The following STRN variants were observed in gnomAD, a reference collection of about 807,000 sequenced individuals.
STRN encodes the protein protein phosphatase 2 regulatory subunit B'''alpha.
STRN carries 53 observed loss-of-function variants against 96.3 expected under a neutral mutation model. The observed-to-expected ratio is 0.55, with a 90% CI of 0.44 to 0.69. The LOEUF (loss-of-function observed/expected upper bound fraction) is 0.69, where lower values mean the gene tolerates loss of function less well. STRN is among the 30% of genes least tolerant of loss of function. The pLI, the probability that STRN is intolerant of heterozygous loss-of-function variation, is 0.00. For synonymous variants in STRN, 428 were observed against 355.9 expected (o/e 1.20, Z -2.28); for missense variants, 987 against 963.9 (o/e 1.02, Z -0.32).
At chr2:36,957,875 C>T (rs1421377555) in intron 1 of STRN, among the ~76,000 whole-genome samples, 6 of 145,444 alleles carry the variant, frequency 4.1e-5, no homozygotes, top group African/African-American at 1.5e-4. Flanking sequence ...CTCAGCCCCC[C>T]GAGTAGCTGG....
chr2:36,887,654 T>C (rs1017243239), intron 7 of STRN, among the ~76,000 whole-genome samples: 7 of 152,232 alleles, frequency 4.6e-5, no homozygotes, highest in Non-Finnish European at 1.0e-4. Flanking sequence ...TAGTAAGTGA[T>C]AATTTTTATT....
At chr2:36,884,700 A>G (rs1454949614) in intron 8 of STRN, among the ~76,000 whole-genome samples, 1 of 152,054 alleles carries the variant, frequency 6.6e-6, no homozygotes, top group African/African-American at 2.4e-5. Context: ...TTTTTAAGCA[A>G]TTTTTACTAA....
intron 2 of STRN, among the ~76,000 whole-genome samples, chr2:36,921,797 A>AC (rs372461063): frequency 6.9e-4 from 105 of 152,080 alleles, no homozygotes; most frequent in African/African-American, 2.4e-3. Flanking sequence ...TTTCCAGTCC[A>AC]CCCCCACACT....
chr2:36,864,568 T>G (rs1668573889), intron 12 of STRN, among the ~76,000 whole-genome samples: 1 of 152,210 alleles, frequency 6.6e-6, no homozygotes, highest in African/African-American at 2.4e-5. Context: ...AGTAATTGGT[T>G]GAAGATTTTT....
intron 12 of STRN, among the ~76,000 whole-genome samples, chr2:36,866,062 G>C (rs974279332): frequency 6.6e-6 from 1 of 151,966 alleles, no homozygotes; most frequent in Admixed American, 6.6e-5. Context: ...AGCAATCTTG[G>C]TATTGATTTC....
chr2:36,861,716 TG>T (rs1668485485), intron 12 of STRN, among the ~76,000 whole-genome samples: 1 of 126,470 alleles, frequency 7.9e-6, no homozygotes, highest in African/African-American at 2.9e-5. Context: ...AAAAATGCAA[TG>T]TATCATTGCG....
Position 36,849,388 on chromosome 2 carries a change from G to A in STRN, c.*68C>T, listed in dbSNP as rs1006772152. 9.7e-6 allele frequency: 15 copies of A among 1,549,528 alleles called. No homozygotes were observed. The highest frequency in any genetic ancestry group is 6.8e-5 in the East Asian group (3 of 44,262). ...GCAGGACGAGATGATTCTTGCCCTC[G>A]TCTTCTGTATCTCTTGTGTGCAGTT... On this transcript the variant is annotated 3_prime_UTR_variant, in exon 18 of 18. Coordinates refer to ENST00000263918, the MANE Select transcript of STRN (RefSeq NM_003162.4).
chr2:36,923,546 C>G (rs1670320181), intron 2 of STRN, among the ~76,000 whole-genome samples: 1 of 151,902 alleles, frequency 6.6e-6, no homozygotes, highest in African/African-American at 2.4e-5. Context: ...TCAACTTTCC[C>G]AAAGTATGAA....
At chr2:36,964,721 C>T (rs1665117042) in intron 1 of STRN, among the ~76,000 whole-genome samples, 1 of 152,236 alleles carries the variant, frequency 6.6e-6, no homozygotes, top group African/African-American at 2.4e-5. Flanking sequence ...ATAGCTGCCC[C>T]TATCACACGC....
At chr2:36,883,273 G>A (rs1669122781) in intron 9 of STRN, among the ~76,000 whole-genome samples, 1 of 152,126 alleles carries the variant, frequency 6.6e-6, no homozygotes, top group South Asian at 2.1e-4. Flanking sequence ...TGGCCAACAT[G>A]GCAAAACCCC....
chr2:36,859,210 G>A (rs1668419493), intron 13 of STRN, among the ~76,000 whole-genome samples: 1 of 152,144 alleles, frequency 6.6e-6, no homozygotes, highest in African/African-American at 2.4e-5. Flanking sequence ...GATCAAGTAT[G>A]TATTTAATAA....
rs1199428210 is a variant in STRN, at chr2:36,916,113, T to C, written c.377A>G (p.Asn126Ser). 1 of 1,613,758 alleles carries C rather than the reference T, an allele frequency of 6.2e-7. No individual in the cohort carries two copies. The highest frequency in any genetic ancestry group is 1.3e-5 in the African/African-American group (1 of 75,054). ...YHKLKYGTEL[N>S]QGDMKPPSYD... ...GCTTGGAGGCTTCATATCTCCCTGA[T>C]TCAATTCTGTCCCGTATTTCAACTT... Residue 126 changes from asparagine to serine, a missense_variant, in exon 3 of 18, where the codon AAT (asparagine) becomes AGT (serine). Transcript: ENST00000263918.
chr2:36,903,872 AT>A (rs1266044132), intron 4 of STRN, among the ~76,000 whole-genome samples: 1 of 152,120 alleles, frequency 6.6e-6, no homozygotes, highest in Non-Finnish European at 1.5e-5. Flanking sequence ...AAGATGTTAT[AT>A]TTTTCCATTT....
At chr2:36,943,883 G>T (rs1320215981) in intron 1 of STRN, among the ~76,000 whole-genome samples, 2 of 152,180 alleles carry the variant, frequency 1.3e-5, no homozygotes, top group African/African-American at 4.8e-5. Context: ...TTAAGAGGCA[G>T]AGGTGGGTGG....
chr2:36,859,760 A>C (rs1048088412), intron 13 of STRN, among the ~76,000 whole-genome samples: 1 of 152,238 alleles, frequency 6.6e-6, no homozygotes, highest in Non-Finnish European at 1.5e-5. Flanking sequence ...AGGGTCAAAA[A>C]GCCAATAGAA....
chr2:36,890,541 T>C lies in STRN; in HGVS notation c.931+3357A>G, dbSNP rs180715147. The stretch of plus-strand genomic sequence containing the variant: ...CTCTGTCGCCCAGGCTGGAGTGCAA[T>C]GGCGTCATCTTGGCTCACTGCAACC... On this transcript the variant is annotated intron_variant, in intron 7 of 17. Transcript: ENST00000263918. 1.5e-3 allele frequency among the ~76,000 whole-genome samples: 212 copies of C among 143,848 alleles called. 1 individual carries two copies. Among genetic ancestry groups the C allele is most frequent in the South Asian group, 0.011 (47 of 4,462 alleles). 94.4% of individuals were successfully genotyped at this position (143,848 alleles called of 152,430 possible).
chr2:36,861,347 G>T, intron 12 of STRN, 94 bp from the exon 13 acceptor site: 1 of 1,479,312 alleles, frequency 6.8e-7, no homozygotes, highest in Non-Finnish European at 9.1e-7. Context: ...TTACCCAAAT[G>T]GCTATTTTTC....
chr2:36,910,018 C>A (rs2148210557), intron 3 of STRN, among the ~76,000 whole-genome samples: 1 of 151,986 alleles, frequency 6.6e-6, no homozygotes, highest in South Asian at 2.1e-4. Flanking sequence ...ACTAAAAATA[C>A]AAAAATTATC....
intron 15 of STRN, 60 bp downstream of exon 15, chr2:36,855,152 G>A: frequency 6.4e-7 from 1 of 1,557,868 alleles, no homozygotes; most frequent in East Asian, 2.3e-5. Flanking sequence ...GACTCTAGTA[G>A]TCGTAATTTT....
Sources: allele counts gnomAD v4.1 joint callset (sites outside exome capture counted in the v4.1 genomes callset), GRCh38; gene constraint gnomAD v4.1.1; transcripts MANE v1.5; gene names NCBI Gene and HGNC (gene_info 2026-07-23, HGNC 2026-07-21).